The following ZNF730 variants were observed in gnomAD, a reference collection of about 807,000 sequenced individuals.
ZNF730 encodes the protein zinc finger protein 730, also known as putative zinc finger protein 730.
A neutral mutation model predicts 12.6 loss-of-function variants in ZNF730; 12 were observed. The observed-to-expected ratio is 0.95, with a 90% CI of 0.61 to 1.54. The LOEUF (loss-of-function observed/expected upper bound fraction) is 1.54, where lower values mean the gene tolerates loss of function less well. Among genes scored for constraint, ZNF730 ranks in the 40% most tolerant of loss-of-function variants. The pLI is 0.00. For synonymous variants in ZNF730, 194 were observed against 195.8 expected (o/e 0.99, Z 0.08); for missense variants, 643 against 583.5 (o/e 1.10, Z -1.05).
chr19:23,091,820 C>T (rs1970164205), intron 1 of ZNF730, among the ~76,000 whole-genome samples: 1 of 152,146 alleles, frequency 6.6e-6, no homozygotes, highest in Non-Finnish European at 1.5e-5. Flanking sequence ...TGCCTTGTCT[C>T]AGATGAGACT....
chr19:23,137,944 A>G (rs953895701), intron 3 of ZNF730, among the ~76,000 whole-genome samples: 4 of 152,188 alleles, frequency 2.6e-5, no homozygotes, highest in Non-Finnish European at 4.4e-5. Flanking sequence ...GGTTTCTGCA[A>G]TTGGTTGTGC....
chr19:23,079,379 A>G (rs1385451673), intron 1 of ZNF730, among the ~76,000 whole-genome samples: 1 of 152,028 alleles, frequency 6.6e-6, no homozygotes. Flanking sequence ...GCTGGTCTCC[A>G]ACTCCCGACC....
intron 1 of ZNF730, among the ~76,000 whole-genome samples, chr19:23,085,804 G>A (rs538994865): frequency 7.4e-5 from 10 of 134,986 alleles, no homozygotes; most frequent in Admixed American, 1.6e-4. Flanking sequence ...GTGAGCCACC[G>A]CACCCAGACC....
intron 1 of ZNF730, chr19:23,095,540 C>T: frequency 7.5e-6 from 3 of 398,144 alleles, no homozygotes; most frequent in African/African-American, 4.1e-5. Flanking sequence ...CCCCCTCTTT[C>T]TAGATTCTGC....
At chr19:23,118,131 A>G (rs1568310851) in intron 1 of ZNF730, among the ~76,000 whole-genome samples, 1 of 152,144 alleles carries the variant, frequency 6.6e-6, no homozygotes, top group Non-Finnish European at 1.5e-5. Context: ...TCACATTATT[A>G]TCTGTTTGTC....
upstream of ZNF730, among the ~76,000 whole-genome samples, chr19:23,114,702 TG>T (rs960747049): frequency 1.4e-4 from 22 of 152,236 alleles, no homozygotes; most frequent in African/African-American, 4.1e-4. Context: ...TGATCAAAAA[TG>T]AATAATCTGT....
chr19:23,111,678 G>A (rs917593567), intron 1 of ZNF730, among the ~76,000 whole-genome samples: 3 of 152,058 alleles, frequency 2.0e-5, no homozygotes, highest in African/African-American at 7.2e-5. Flanking sequence ...GAACCCAGGA[G>A]GCGGAGGTTT....
intron 1 of ZNF730, among the ~76,000 whole-genome samples, chr19:23,081,990 C>G (rs931827347): frequency 6.6e-6 from 1 of 152,176 alleles, no homozygotes; most frequent in African/African-American, 2.4e-5. Flanking sequence ...AAGTAATTCT[C>G]TTGTCTCAGT....
intron 1 of ZNF730, among the ~76,000 whole-genome samples, chr19:23,121,517 T>C (rs947275025): frequency 6.6e-6 from 1 of 152,090 alleles, no homozygotes; most frequent in Non-Finnish European, 1.5e-5. Flanking sequence ...AATTTTTGTA[T>C]TTTCAGTAGA....
intron 3 of ZNF730, among the ~76,000 whole-genome samples, chr19:23,136,414 AT>A (rs1261160128): frequency 6.6e-6 from 1 of 151,536 alleles, no homozygotes; most frequent in Non-Finnish European, 1.5e-5. Flanking sequence ...TTATTTATTT[AT>A]TTTTTTTGAG....
At chr19:23,125,240 C>T (rs1182554701) in intron 1 of ZNF730, among the ~76,000 whole-genome samples, 1 of 152,010 alleles carries the variant, frequency 6.6e-6, no homozygotes, top group Non-Finnish European at 1.5e-5. Context: ...CAGACTAATA[C>T]AAAAAATTGT....
chr19:23,077,291 A>G (rs972540352), intron 1 of ZNF730, among the ~76,000 whole-genome samples: 3 of 152,068 alleles, frequency 2.0e-5, no homozygotes, highest in African/African-American at 7.2e-5. Context: ...TATGTAAAAA[A>G]TGTGCATAGG....
At chr19:23,132,645 T>C (rs1355697137) in intron 1 of ZNF730, among the ~76,000 whole-genome samples, 1 of 152,158 alleles carries the variant, frequency 6.6e-6, no homozygotes, top group Non-Finnish European at 1.5e-5. Context: ...AAGATTCCTA[T>C]TGGGGAAACG....
chr19:23,112,377 T>G (rs1970470279), upstream of ZNF730, among the ~76,000 whole-genome samples: 1 of 152,122 alleles, frequency 6.6e-6, no homozygotes, highest in Admixed American at 6.6e-5. Context: ...TACTTATATG[T>G]AGAGAATTTT....
At chr19:23,106,878 C>A (rs1170830306) in intron 1 of ZNF730, among the ~76,000 whole-genome samples, 1 of 151,160 alleles carries the variant, frequency 6.6e-6, no homozygotes, top group Non-Finnish European at 1.5e-5. Context: ...CTGCAAGAGT[C>A]AAAAACTATA....
At chr19:23,127,712 C>G in intron 1 of ZNF730, 1 of 1,233,288 alleles carries the variant, frequency 8.1e-7, no homozygotes, top group Non-Finnish European at 1.2e-6. Context: ...AGCAGGATCA[C>G]TTTGAAGATC....
In ZNF730 at chr19:23,117,118, C is replaced by G. The variant is rs1347596105; in HGVS notation, c.-56C>G. 3.7e-6 allele frequency: 6 copies of G among 1,613,072 alleles called. No individual in the cohort carries two copies. Among genetic ancestry groups the G allele is most frequent in the Non-Finnish European group, 5.1e-6 (6 of 1,179,348 alleles). On this transcript the variant is annotated 5_prime_UTR_variant, in exon 1 of 4. Transcript: ENST00000597761. ...AGCCCAGCCTGTGTGGCCCTGCGAC[C>G]TGCGGGTATTGGGAGATCCACAGCT... is the stretch of plus-strand genomic sequence containing the variant.
At chr19:23,110,784 A>T (rs1970452587) in intron 1 of ZNF730, among the ~76,000 whole-genome samples, 1 of 152,252 alleles carries the variant, frequency 6.6e-6, no homozygotes, top group Non-Finnish European at 1.5e-5. Context: ...CCTAATGAAG[A>T]GATTGATTCT....
intron 3 of ZNF730, among the ~76,000 whole-genome samples, chr19:23,142,835 C>A (rs1446281086): frequency 6.7e-6 from 1 of 150,202 alleles, no homozygotes; most frequent in Non-Finnish European, 1.5e-5. Flanking sequence ...TTTTGTCTTT[C>A]TTTGTGTCTT....
Sources: allele counts gnomAD v4.1 joint callset (sites outside exome capture counted in the v4.1 genomes callset), GRCh38; gene constraint gnomAD v4.1.1; transcripts MANE v1.5; gene names NCBI Gene and HGNC (gene_info 2026-07-23, HGNC 2026-07-21).